The following FOCAD variants were observed in gnomAD, a reference collection of about 807,000 sequenced individuals.
FOCAD encodes the protein focadhesin.
In FOCAD, 198 loss-of-function variants were observed where a neutral mutation model predicts 225.6. The observed-to-expected ratio is 0.88, with a 90% CI of 0.78 to 0.99. FOCAD has a LOEUF of 0.99. Among genes scored for constraint, FOCAD ranks in the 50% least tolerant of loss-of-function variants. The pLI, the probability that FOCAD is intolerant of heterozygous loss-of-function variation, is 0.00. For missense variants in FOCAD, 2,713 were observed against 2,123.6 expected (o/e 1.28, Z -5.46); for synonymous variants, 897 against 755.0 (o/e 1.19, Z -3.08).
chr9:20,708,723 C>A (rs912630362), intron 1 of FOCAD, among the ~76,000 whole-genome samples: 6 of 151,822 alleles, frequency 4.0e-5, no homozygotes, highest in African/African-American at 1.5e-4. Context: ...CTGCAGTGAC[C>A]TATGATTGTG....
intron 24 of FOCAD, 113 bp from the exon 25 acceptor site, chr9:20,923,547 C>A (rs773721839): frequency 1.5e-6 from 1 of 679,352 alleles, no homozygotes; most frequent in Non-Finnish European, 2.6e-6. Flanking sequence ...TTACAAGACT[C>A]TGTGAAGGAA....
chr9:20,967,624 C>T (rs1279209252), intron 35 of FOCAD, among the ~76,000 whole-genome samples: 1 of 152,072 alleles, frequency 6.6e-6, no homozygotes, highest in Non-Finnish European at 1.5e-5. Context: ...TATGATTTAA[C>T]TGTGAGTTTT....
At chr9:20,805,065 A>G (rs1430086546) in intron 11 of FOCAD, among the ~76,000 whole-genome samples, 1 of 152,230 alleles carries the variant, frequency 6.6e-6, no homozygotes, top group Non-Finnish European at 1.5e-5. Context: ...GAAATTCACG[A>G]TAGCATGAAA....
intron 33 of FOCAD, among the ~76,000 whole-genome samples, chr9:20,950,165 A>G (rs1343511588): frequency 1.3e-5 from 2 of 152,136 alleles, no homozygotes; most frequent in Non-Finnish European, 2.9e-5. Context: ...TTTGTTGCAT[A>G]AAATTTGAAA....
chr9:20,964,736 A>G (rs1252368118), intron 35 of FOCAD, among the ~76,000 whole-genome samples: 1 of 152,148 alleles, frequency 6.6e-6, no homozygotes. Context: ...GGCTTTCACC[A>G]TGTTGGCCAG....
At chr9:20,939,080 G>T (rs1177361288) in intron 28 of FOCAD, among the ~76,000 whole-genome samples, 1 of 142,998 alleles carries the variant, frequency 7.0e-6, no homozygotes, top group Admixed American at 7.4e-5. Context: ...AACCCGGGAG[G>T]CGGAGCTTGC....
At chr9:20,932,701 A>G (rs1170277931) in intron 27 of FOCAD, among the ~76,000 whole-genome samples, 1 of 152,210 alleles carries the variant, frequency 6.6e-6, no homozygotes, top group Non-Finnish European at 1.5e-5. Flanking sequence ...TATATTTGGA[A>G]TTCCGAGTTT....
intron 11 of FOCAD, among the ~76,000 whole-genome samples, chr9:20,807,501 A>G (rs1822584041): frequency 6.6e-6 from 1 of 152,248 alleles, no homozygotes; most frequent in African/African-American, 2.4e-5. Context: ...GTTTTGTTTA[A>G]CCCAGTATAT....
At chr9:20,818,498 C>A (rs949526955) in intron 11 of FOCAD, among the ~76,000 whole-genome samples, 2 of 152,114 alleles carry the variant, frequency 1.3e-5, no homozygotes, top group Non-Finnish European at 2.9e-5. Context: ...AGTTTTAGCT[C>A]GTACATTTAG....
intron 15 of FOCAD, among the ~76,000 whole-genome samples, chr9:20,855,102 A>G (rs982948400): frequency 3.3e-5 from 5 of 151,794 alleles, no homozygotes; most frequent in South Asian, 2.1e-4. Context: ...CATAAAAACT[A>G]TAGTCTAACA....
intron 11 of FOCAD, among the ~76,000 whole-genome samples, chr9:20,807,263 C>T (rs977667520): frequency 2.6e-5 from 4 of 152,190 alleles, no homozygotes; most frequent in African/African-American, 9.7e-5. Flanking sequence ...TTCCTTGCCC[C>T]TCTGGGGCTA....
intron 28 of FOCAD, among the ~76,000 whole-genome samples, chr9:20,941,804 C>T (rs559946916): frequency 6.6e-6 from 1 of 152,264 alleles, no homozygotes; most frequent in African/African-American, 2.4e-5. Flanking sequence ...ACACTTAACT[C>T]CTTTTTGCTT....
At chr9:20,655,659 TTCTC>T (rs1821464620), upstream of FOCAD, among the ~76,000 whole-genome samples, 4 of 152,362 alleles carry the variant, frequency 2.6e-5, no homozygotes, top group Middle Eastern at 3.4e-3. Flanking sequence ...TATTAAATTC[TTCTC>T]TCTTTTTTTC....
intron 11 of FOCAD, among the ~76,000 whole-genome samples, chr9:20,819,194 A>G (rs1055664108): frequency 3.9e-5 from 6 of 152,000 alleles, no homozygotes; most frequent in Non-Finnish European, 7.4e-5. Flanking sequence ...TTAGAACTTT[A>G]CATTTCTTTG....
chr9:20,760,997 A>G (rs909785727), intron 6 of FOCAD, among the ~76,000 whole-genome samples: 15 of 151,586 alleles, frequency 9.9e-5, no homozygotes, highest in Admixed American at 6.6e-4. Context: ...TAAAATGACA[A>G]TATATCTTCA....
intron 28 of FOCAD, among the ~76,000 whole-genome samples, chr9:20,943,689 A>G (rs899495755): frequency 6.6e-6 from 1 of 152,214 alleles, no homozygotes; most frequent in African/African-American, 2.4e-5. Context: ...ATTGAGATAC[A>G]TTATTGGAGA....
chr9:20,773,660 C>G (rs1455105710), intron 8 of FOCAD, among the ~76,000 whole-genome samples: 1 of 152,166 alleles, frequency 6.6e-6, no homozygotes, highest in Non-Finnish European at 1.5e-5. Flanking sequence ...GTTTTGTCAT[C>G]TCAGTGTGTA....
intron 11 of FOCAD, among the ~76,000 whole-genome samples, chr9:20,818,411 T>A (rs1461423037): frequency 6.6e-6 from 1 of 152,138 alleles, no homozygotes; most frequent in African/African-American, 2.4e-5. Flanking sequence ...GGCTTGTACT[T>A]TTGTTGTCAT....
At chr9:20,973,141 T>G (rs1839910703) in intron 35 of FOCAD, among the ~76,000 whole-genome samples, 1 of 151,836 alleles carries the variant, frequency 6.6e-6, no homozygotes, top group Non-Finnish European at 1.5e-5. Flanking sequence ...TGGCCTCTGC[T>G]TCTCCTTGTT....
Sources: allele counts gnomAD v4.1 joint callset (sites outside exome capture counted in the v4.1 genomes callset), GRCh38; gene constraint gnomAD v4.1.1; transcripts MANE v1.5; gene names NCBI Gene and HGNC (gene_info 2026-07-23, HGNC 2026-07-21).